Variants in KIR2DL3 observed in about 807,000 individuals in gnomAD.
KIR2DL3 encodes killer cell immunoglobulin-like receptor 2DL3.
KIR2DL3 carries 39 observed loss-of-function variants against 33.8 expected under a neutral mutation model. The observed-to-expected ratio is 1.15, with a 90% CI of 0.89 to 1.51. The LOEUF is 1.51. KIR2DL3 is among the 40% of genes most tolerant of loss of function. The pLI is 0.00. For synonymous variants in KIR2DL3, 174 were observed against 160.2 expected (o/e 1.09, Z -0.65); for missense variants, 462 against 426.2 (o/e 1.08, Z -0.74).
chr19:54,747,785 T>C (rs1303269480), intron 5 of KIR2DL3, among the ~76,000 whole-genome samples: 1 of 152,118 alleles, frequency 6.6e-6, no homozygotes, highest in Admixed American at 6.6e-5. Context: ...TTACTGTTGG[T>C]CATGAAGCAA....
At chr19:54,744,563 G>C (rs1441381308) in intron 4 of KIR2DL3, among the ~76,000 whole-genome samples, 1 of 148,202 alleles carries the variant, frequency 6.7e-6, no homozygotes, top group African/African-American at 2.5e-5. Flanking sequence ...GTCTAGCTCT[G>C]TCCCCTATGC....
At chr19:54,740,529 C>A (rs1420044378) in intron 2 of KIR2DL3, among the ~76,000 whole-genome samples, 1 of 151,708 alleles carries the variant, frequency 6.6e-6, no homozygotes, top group Non-Finnish European at 1.5e-5. Flanking sequence ...CACCCAGCAA[C>A]CCCCTGGTGA....
chr19:54,746,159 A>T (rs1298424613), intron 4 of KIR2DL3, among the ~76,000 whole-genome samples: 1 of 134,790 alleles, frequency 7.4e-6, no homozygotes, highest in East Asian at 2.0e-4. Context: ...TTTGATTTTA[A>T]TTTGTGTTTC....
At chr19:54,746,917 G>A (rs375475912) in intron 4 of KIR2DL3, among the ~76,000 whole-genome samples, 1 of 147,898 alleles carries the variant, frequency 6.8e-6, no homozygotes, top group African/African-American at 2.5e-5. Context: ...AGGAGGCTGT[G>A]GTGGCAGTGA....
At chr19:54,744,921 C>CATATATATATGTGTATATATATAT (rs2072105959) in intron 4 of KIR2DL3, among the ~76,000 whole-genome samples, 60 of 25,138 alleles carry the variant, frequency 2.4e-3, no homozygotes, top group South Asian at 0.01. Context: ...CATATATAAA[C>CATATATATATGTGTATATATATAT]ATATATATAT....
intron 2 of KIR2DL3, among the ~76,000 whole-genome samples, 173 bp downstream of exon 2, chr19:54,739,715 C>T (rs1489552018): frequency 6.6e-6 from 1 of 151,540 alleles, no homozygotes; most frequent in East Asian, 1.9e-4. Context: ...TTGGCAGAGT[C>T]AAGTTCTGTG....
chr19:54,738,537 G>A lies in KIR2DL3; in HGVS notation c.-9G>A, dbSNP rs1449630991. On this transcript the variant is annotated 5_prime_UTR_variant, in exon 1 of 8. Transcript: ENST00000342376. ...TGGGGCGCGGCCGCCTGTCTGCACA[G>A]ACAGCACCATGTCGCTCATGGTCGT... 1.9e-6 allele frequency: 3 copies of A among 1,614,168 alleles called. No homozygotes were observed. Among genetic ancestry groups the A allele is most frequent in the Middle Eastern group, 3.3e-4 (2 of 6,060 alleles).
chr19:54,744,967 T>A (rs1384186450), intron 4 of KIR2DL3, among the ~76,000 whole-genome samples: 131 of 88,870 alleles, frequency 1.5e-3, no homozygotes, highest in Middle Eastern at 6.8e-3. Flanking sequence ...TTTTTTTTTT[T>A]TTTTTTTTTT....
chr19:54,738,606 G>A lies in KIR2DL3; in HGVS notation c.34+27G>A, dbSNP rs1391227244. On this transcript the variant is annotated intron_variant, in intron 1 of 7. Coordinates refer to ENST00000342376, the MANE Select transcript of KIR2DL3 (RefSeq NM_015868.3). ...TGAGTCCTGGAAGGGCATCGAGGGAGGGAGTGCGGGGATGGAGATCGGGGC... is the reference window on the plus strand; with the variant it reads ...TGAGTCCTGGAAGGGCATCGAGGGAAGGAGTGCGGGGATGGAGATCGGGGC... 4.3e-6 allele frequency: 7 copies of A among 1,613,894 alleles called. No homozygotes were observed. The Admixed American group carries it at 5.0e-5, about 12-fold the overall frequency.
Position 54,742,173 on chromosome 19 carries a change from T to A in KIR2DL3, c.264T>A (p.Gly88=), listed in dbSNP as rs2071278385. 11 of 1,613,868 alleles carry A rather than the reference T, an allele frequency of 6.8e-6. No individual in the cohort carries two copies. In the South Asian group the frequency reaches 1.2e-4, roughly 18 times the overall value. ...DGVSKANFSI[G]PMMQDLAGTY... Reference sequence around the variant, plus strand: ...TCTCCAAGGCCAACTTCTCCATCGGTCCCATGATGCAAGACCTTGCAGGGA... The same window carrying A: ...TCTCCAAGGCCAACTTCTCCATCGGACCCATGATGCAAGACCTTGCAGGGA... Residue 88 remains glycine, a synonymous_variant, in exon 3 of 8, where the codon GGT becomes GGA. Transcript: ENST00000342376.
intron 2 of KIR2DL3, among the ~76,000 whole-genome samples, chr19:54,739,940 T>C (rs906931651): frequency 7.2e-5 from 11 of 152,116 alleles, no homozygotes; most frequent in African/African-American, 2.4e-4. Flanking sequence ...GGCTCAGTTG[T>C]TTATTTTCGT....
rs1216356324 is a variant in KIR2DL3, at chr19:54,742,233, C to T, written c.324C>T (p.Pro108=). Residue 108 remains proline, a synonymous_variant, in exon 3 of 8, where the codon CCC becomes CCT. Transcript: ENST00000342376. ...GCTACGGTTCTGTTACTCACTCCCC[C>T]TATCAGTTGTCAGCTCCCAGTGACC... ...YRCYGSVTHS[P]YQLSAPSDPL... 7 of 1,614,076 alleles carry T rather than the reference C, an allele frequency of 4.3e-6. No homozygotes were observed. The Admixed American group carries it at 8.3e-5, about 19-fold the overall frequency.
intron 2 of KIR2DL3, among the ~76,000 whole-genome samples, chr19:54,739,926 TG>T (rs1195284190): frequency 6.6e-6 from 1 of 152,230 alleles, no homozygotes; most frequent in Non-Finnish European, 1.5e-5. Context: ...AATCCTCTGA[TG>T]GGGGCTCAGT....
chr19:54,739,668 C>T (rs1487639737), intron 2 of KIR2DL3, 126 bp downstream of exon 2: 112 of 1,518,180 alleles, frequency 7.4e-5, no homozygotes, highest in Non-Finnish European at 9.8e-5. Context: ...GTGCTCAGCC[C>T]ACATTTCTGA....
At chr19:54,746,052 G>A (rs62122554) in intron 4 of KIR2DL3, among the ~76,000 whole-genome samples, 49,128 of 110,154 alleles carry the variant, frequency 0.45, 15,463 homozygotes, top group Middle Eastern at 0.62. Flanking sequence ...ACCTTATGAG[G>A]TTCACCCACC....
intron 4 of KIR2DL3, among the ~76,000 whole-genome samples, chr19:54,744,890 A>ATATGTATG (rs1555906288): frequency 6.8e-4 from 39 of 57,696 alleles, no homozygotes; most frequent in Non-Finnish European, 9.9e-4. Context: ...ATATATATAT[A>ATATGTATG]TATATATACA....
At chr19:54,744,940 ATATATATATATATATTTTTTTT>A in intron 4 of KIR2DL3, among the ~76,000 whole-genome samples, 1 of 22,460 alleles carries the variant, frequency 4.5e-5, no homozygotes, top group South Asian at 1.8e-3. Flanking sequence ...ATATATATAT[ATATATATATATATATTTTTTTT>A]TTTTTTTTTT....
chr19:54,744,678 C>A (rs2071946020), intron 4 of KIR2DL3, among the ~76,000 whole-genome samples: 1 of 150,616 alleles, frequency 6.6e-6, no homozygotes, highest in African/African-American at 2.4e-5. Context: ...AGGCGCGCAC[C>A]ACCACGCCAG....
At chr19:54,739,733 G>A (rs1188908962) in intron 2 of KIR2DL3, among the ~76,000 whole-genome samples, 191 bp downstream of exon 2, 4 of 151,190 alleles carry the variant, frequency 2.6e-5, no homozygotes. Flanking sequence ...GTGGGGACCA[G>A]GGTTAGACTG....
Sources: gnomAD v4.1 joint callset for allele counts (sites outside exome capture counted in the v4.1 genomes callset) on GRCh38, gnomAD v4.1.1 for gene constraint, MANE v1.5 for transcripts, NCBI Gene and HGNC (gene_info 2026-07-23, HGNC 2026-07-21) for gene names.